CFAP46: variants seen among roughly 807,000 people sequenced by gnomAD.
CFAP46 encodes the protein cilia and flagella associated protein 46, also known as cilia- and flagella-associated protein 46.
In CFAP46, 245 loss-of-function variants were observed where a neutral mutation model predicts 325.7. The ratio of observed to expected loss-of-function variants is 0.75; its 90% confidence interval spans 0.68 to 0.84. The LOEUF is 0.84. Among genes scored for constraint, CFAP46 ranks in the 40% least tolerant of loss-of-function variants. CFAP46 has a pLI of 0.00. For synonymous variants in CFAP46, 1,523 were observed against 1,495.9 expected (o/e 1.02, Z -0.42); for missense variants, 3,346 against 3,543.0 (o/e 0.94, Z 1.41).
chr10:132,846,958 T>C lies in CFAP46; in HGVS notation c.6241A>G (p.Thr2081Ala). 3 of 1,610,320 alleles carry C rather than the reference T, an allele frequency of 1.9e-6. No individual in the cohort carries two copies. The highest frequency in any genetic ancestry group is 2.5e-6 in the Non-Finnish European group (3 of 1,179,522). Residue 2081 changes from threonine to alanine, a missense_variant, in exon 43 of 58, where the codon ACC becomes GCC. Transcript: ENST00000368586. ...TGAGACAGAGCCAGGAACTGGCAGG[T>C]AGTTGCAGGGTCCAGGGTGCCGACA... is the stretch of plus-strand genomic sequence containing the variant. ...ECVGTLDPAT[T>A]CQFLALSQSC...
At chr10:132,912,194 CCTCT>C (rs564622698) in intron 19 of CFAP46, among the ~76,000 whole-genome samples, 6,177 of 128,580 alleles carry the variant, frequency 0.048, 339 homozygotes, top group South Asian at 0.062. Flanking sequence ...TGTCCTCTTT[CCTCT>C]CTCTCTCTTC....
At chr10:132,909,886 A>C (rs10870353) in intron 20 of CFAP46, 33 bp downstream of exon 20, 5 of 1,388,876 alleles carry the variant, frequency 3.6e-6, no homozygotes, top group Middle Eastern at 2.6e-4. Context: ...ACAGGGCCTC[A>C]GTCAGAGCCC....
intron 27 of CFAP46, among the ~76,000 whole-genome samples, chr10:132,882,765 G>A (rs1434723265): frequency 6.6e-6 from 1 of 152,028 alleles, no homozygotes; most frequent in Non-Finnish European, 1.5e-5. Context: ...CCAGTGAGGT[G>A]GTGGGGCTTG....
chr10:132,866,987 G>A (rs1848823193), intron 34 of CFAP46, among the ~76,000 whole-genome samples: 1 of 152,204 alleles, frequency 6.6e-6, no homozygotes, highest in Non-Finnish European at 1.5e-5. Flanking sequence ...CGCCCAGCAG[G>A]CCTGTTCCAG....
intron 32 of CFAP46, among the ~76,000 whole-genome samples, chr10:132,870,357 C>T (rs970623107): frequency 1.3e-4 from 20 of 152,042 alleles, no homozygotes; most frequent in African/African-American, 4.1e-4. Flanking sequence ...AAGGAACAGG[C>T]GCACGTCTCT....
intron 9 of CFAP46, among the ~76,000 whole-genome samples, chr10:132,928,881 T>C (rs1564804027): frequency 6.6e-6 from 1 of 152,242 alleles, no homozygotes; most frequent in African/African-American, 2.4e-5. Context: ...AAGCTTCTTC[T>C]GGAGGGCAAT....
chr10:132,831,114 A>G (rs1848139958), intron 50 of CFAP46, among the ~76,000 whole-genome samples: 1 of 152,022 alleles, frequency 6.6e-6, no homozygotes, highest in African/African-American at 2.4e-5. Context: ...TTAAGTTCTT[A>G]TTTAACTCCA....
Position 132,846,673 on chromosome 10 carries a change from GC to G in CFAP46, c.6267+258del, listed in dbSNP as rs560345768. On this transcript the variant is annotated intron_variant, in intron 43 of 57. Transcript: ENST00000368586. ...CCTCTGTGGGACCTCTGTGAGGTCC[GC>G]ATGGACGGGGCCCTGCTGGCCTGTG... is the stretch of plus-strand genomic sequence containing the variant. 1.7e-3 allele frequency among the ~76,000 whole-genome samples: 254 copies of G among 152,120 alleles called. 2 individuals are homozygous for G. The highest frequency in any genetic ancestry group is 3.1e-3 in the South Asian group (15 of 4,808).
intron 44 of CFAP46, among the ~76,000 whole-genome samples, chr10:132,844,942 C>T (rs1159539216): frequency 6.6e-6 from 1 of 152,160 alleles, no homozygotes; most frequent in Non-Finnish European, 1.5e-5. Flanking sequence ...CAGCCTCGAA[C>T]TCCTGGGCTC....
At chr10:132,930,060 C>T (rs572557569) in intron 8 of CFAP46, among the ~76,000 whole-genome samples, 1 of 152,266 alleles carries the variant, frequency 6.6e-6, no homozygotes, top group African/African-American at 2.4e-5. Context: ...CCCTACTGGA[C>T]ACCCTGCTCC....
At chr10:132,915,219 T>C (rs1849618493) in intron 17 of CFAP46, among the ~76,000 whole-genome samples, 1 of 152,250 alleles carries the variant, frequency 6.6e-6, no homozygotes, top group Non-Finnish European at 1.5e-5. Context: ...CAGACCCTCC[T>C]CTGTCTGTGA....
At chr10:132,941,136 C>T in intron 3 of CFAP46, 76 bp from the exon 4 acceptor site, 1 of 1,489,646 alleles carries the variant, frequency 6.7e-7, no homozygotes, top group Non-Finnish European at 9.4e-7. Flanking sequence ...GATGCCACGG[C>T]TCCCTCACGG....
At position 132,808,585 on chromosome 10, in the gene CFAP46, A is replaced by G. The variant is rs143727872; in HGVS notation, c.7984T>C (p.Trp2662Arg). 1,803 of 1,612,724 alleles carry G rather than the reference A, an allele frequency of 1.1e-3. 12 individuals carry two copies. In the East Asian group the frequency reaches 0.013, roughly 11 times the overall value. The change falls in exon 58 of 58, where the codon TGG becomes CGG. Residue 2662 changes from tryptophan to arginine, a missense_variant. Trp to Arg is a moderately radical substitution (Grantham distance 101). Transcript: ENST00000368586. The surrounding 1 kb of genome is among the most constrained non-coding windows in gnomAD (Gnocchi z 6.8). ...CACAGGCAGGCAGAGCTCGAGGTCC[A>G]GGCGGCTGCCTTGCGGGAAGTCGCT... The part of the protein sequence containing the change: ...PPATSRKAAA[W>R]TSSSACLCAP...
At position 132,886,628 on chromosome 10, in the gene CFAP46, C is replaced by T. The variant is rs1008789278; in HGVS notation, c.3305-669G>A. 1.3e-5 allele frequency among the ~76,000 whole-genome samples: 2 copies of T among 152,136 alleles called. No individual in the cohort carries two copies. The highest frequency in any genetic ancestry group is 2.4e-5 in the African/African-American group (1 of 41,414). On this transcript the variant is annotated intron_variant, in intron 25 of 57. Coordinates refer to ENST00000368586, the MANE Select transcript of CFAP46 (RefSeq NM_001200049.3). The surrounding 1 kb of genome is among the most constrained non-coding windows in gnomAD (Gnocchi z 5.8). The stretch of plus-strand genomic sequence containing the variant: ...GCGAGCTGCAGATGAACTTGAAGGG[C>T]CCTGAAGAGACGGGGTGAACACAGG...
At position 132,926,593 on chromosome 10, in the gene CFAP46, T is replaced by G. The variant is rs1178927908; in HGVS notation, c.1040A>C (p.Lys347Thr). 6.5e-7 allele frequency: 1 copy of G among 1,536,132 alleles called. No individual in the cohort carries two copies. The highest frequency in any genetic ancestry group is 8.7e-7 in the Non-Finnish European group (1 of 1,146,882). Residue 347 changes from lysine (K) to threonine (T), a missense_variant, in exon 10 of 58, where the codon AAA becomes ACA. Lys to Thr is a moderately conservative substitution (Grantham distance 78). Coordinates refer to ENST00000368586, the MANE Select transcript of CFAP46 (RefSeq NM_001200049.3). ...CTCAACAGCCGCTCGGTTGTACACT[T>G]TCATCTTACTTTCAAGTCTTAAAGC... ...SEALRLESKM[K>T]VYNRAAVEAQ...
intron 50 of CFAP46, among the ~76,000 whole-genome samples, chr10:132,822,780 ACTT>A (rs1847899593): frequency 1.4e-5 from 1 of 72,500 alleles, no homozygotes; most frequent in Non-Finnish European, 2.6e-5. Flanking sequence ...CTGTGTGTGC[ACTT>A]GTGTGTGCTG....
rs754188508 is a variant in CFAP46, at chr10:132,899,061, G to A, written c.3117C>T (p.Asn1039=). 2.3e-5 allele frequency: 35 copies of A among 1,550,476 alleles called. No individual in the cohort carries two copies. In the Middle Eastern group the frequency reaches 8.3e-4, roughly 37 times the overall value. ...CTGAGGACAGCAGTGGGAGCCAGGCGTTCCAGTAATGCCGCGCGGCCAGCA... is the reference window on the plus strand; with the variant it reads ...CTGAGGACAGCAGTGGGAGCCAGGCATTCCAGTAATGCCGCGCGGCCAGCA... The part of the protein sequence containing the change: ...LVMLAARHYW[N]AWLPLLSSAV... The change falls in exon 24 of 58, where the codon AAC becomes AAT. Residue 1039 remains asparagine (N), a synonymous_variant. Transcript: ENST00000368586.
Position 132,941,080 on chromosome 10 carries a change from C to G in CFAP46, c.307-20G>C. 6.2e-7 allele frequency: 1 copy of G among 1,613,642 alleles called. No homozygotes were observed. The highest frequency in any genetic ancestry group is 8.5e-7 in the Non-Finnish European group (1 of 1,179,638). On this transcript the variant is annotated intron_variant, in intron 3 of 57. Coordinates refer to ENST00000368586, the MANE Select transcript of CFAP46 (RefSeq NM_001200049.3). ...TTCCTCCTAAGGCAACATAAAGAAGCACAATTAGACCGAAATACTGACCCC... is the reference window on the plus strand; with the variant it reads ...TTCCTCCTAAGGCAACATAAAGAAGGACAATTAGACCGAAATACTGACCCC...
intron 26 of CFAP46, among the ~76,000 whole-genome samples, chr10:132,885,613 A>C (rs567790857): frequency 9.1e-6 from 1 of 109,526 alleles, no homozygotes; most frequent in Non-Finnish European, 1.8e-5. Context: ...GGGGAGCAGC[A>C]GGCAGGTGCT....
Sources: gnomAD v4.1 joint callset for allele counts (sites outside exome capture counted in the v4.1 genomes callset) on GRCh38, gnomAD v4.1.1 for gene constraint, Gnocchi (gnomAD v3.1) non-coding constraint, MANE v1.5 for transcripts, NCBI Gene and HGNC (gene_info 2026-07-23, HGNC 2026-07-21) for gene names.